The following ASXL1 variants were observed in gnomAD, a reference collection of about 807,000 sequenced individuals.
ASXL1 encodes the protein polycomb group protein ASXL1.
A neutral mutation model predicts 89.1 loss-of-function variants in ASXL1; 65 were observed. The ratio of observed to expected loss-of-function variants is 0.73; its 90% CI spans 0.60 to 0.90. The LOEUF (loss-of-function observed/expected upper bound fraction) is 0.90. Among genes scored for constraint, ASXL1 ranks in the 40% least tolerant of loss-of-function variants. ASXL1 has a pLI of 0.00. For missense variants in ASXL1, 1,786 were observed against 1,942.9 expected, an observed-to-expected ratio of 0.92 and a Z score of 1.52; for synonymous variants, 739 against 746.9, an observed-to-expected ratio of 0.99 and a Z score of 0.17.
At chr20:32,414,855 A>G (rs1057409697) in intron 4 of ASXL1, among the ~76,000 whole-genome samples, 1 of 152,120 alleles carries the variant, frequency 6.6e-6, no homozygotes, top group Non-Finnish European at 1.5e-5. Context: ...CCAGGAGGAG[A>G]AATCCTTTCA....
In ASXL1 at chr20:32,436,034, G is replaced by A. The variant is rs1182034797; in HGVS notation, c.3322G>A (p.Val1108Met). ...CTCAGTGGAGGCCACTAACCCACTT[G>A]TGATGCAGTTGCTGCAGGGTAGCTT... is the stretch of plus-strand genomic sequence containing the variant. ...GSSVEATNPL[V>M]MQLLQGSLPL... is the part of the protein sequence containing the mutation. The change falls in exon 13 of 13, where the codon GTG becomes ATG. Residue 1108 changes from valine (V) to methionine (M), a missense_variant. By Grantham distance (21) the Val-to-Met change is conservative. Around this residue, in one of 3 missense-constraint regions of ASXL1, gnomAD observed 1,418 missense variants for 1,427.8 expected, o/e 0.99. Coordinates refer to ENST00000375687, the MANE Select transcript of ASXL1 (RefSeq NM_015338.6). The A allele has an allele frequency of 1.2e-6, 2 of 1,614,204 alleles. No homozygotes were observed. Among genetic ancestry groups the A allele is most frequent in the Non-Finnish European group, 1.7e-6 (2 of 1,180,038 alleles).
At position 32,428,388 on chromosome 20, in the gene ASXL1, C is replaced by G; in HGVS notation, c.437C>G (p.Ser146Cys). Residue 146 changes from serine (S) to cysteine (C), a missense_variant, in exon 6 of 13, where the codon TCC becomes TGC. By Grantham distance (112) the Ser-to-Cys change is moderately radical (BLOSUM62 -1). Around this residue, in one of 3 missense-constraint regions of ASXL1, gnomAD observed 332 missense variants for 449.7 expected, o/e 0.74. Transcript: ENST00000375687. Reference protein sequence around the residue: ...CSTESQSRPLSNPRDSYRASS... With the variant: ...CSTESQSRPLCNPRDSYRASS... ...ACAGAATCTCAGAGTCGACCTCTTT[C>G]CAATCCCAGGGACAGCTACAGAGCT... The G allele has an allele frequency of 6.2e-7, 1 of 1,614,026 alleles. No individual in the cohort carries two copies. The highest frequency in any genetic ancestry group is 8.5e-7 in the Non-Finnish European group (1 of 1,179,970).
At chr20:32,359,412 G>A (rs989821907) in intron 1 of ASXL1, 22 of 702,234 alleles carry the variant, frequency 3.1e-5, no homozygotes, top group Non-Finnish European at 5.2e-5. Context: ...TCCTGTGGGC[G>A]ACACCTGGGA....
intron 1 of ASXL1, among the ~76,000 whole-genome samples, chr20:32,365,765 A>G (rs2048194033): frequency 6.6e-6 from 1 of 152,214 alleles, no homozygotes; most frequent in African/African-American, 2.4e-5. Flanking sequence ...GCAGAATCAT[A>G]GCATCATGTG....
chr20:32,359,602 A>G (rs1394327591), intron 1 of ASXL1: 1 of 690,398 alleles, frequency 1.4e-6, no homozygotes, highest in Admixed American at 2.1e-5. Context: ...TGGACTGGAA[A>G]TTGGTATTTT....
In ASXL1 at chr20:32,419,102, A is replaced by G. The variant is rs571614488; in HGVS notation, c.253-9026A>G. 1.4e-4 allele frequency among the ~76,000 whole-genome samples: 21 copies of G among 152,138 alleles called. 1 individual carries two copies. Among genetic ancestry groups the G allele is most frequent in the African/African-American group, 3.9e-4 (16 of 41,506 alleles). ...CGCCTTAGCCTCTCAAAGTGCTGGG[A>G]TTACAGGCTTGAGCCACCATGCCCA... On this transcript the variant is annotated intron_variant, in intron 4 of 12. Transcript: ENST00000375687.
At position 32,429,920 on chromosome 20, in the gene ASXL1, C is replaced by T. The variant is rs557596857; in HGVS notation, c.585C>T (p.Ala195=). The T allele has an allele frequency of 2.1e-5, 33 of 1,608,238 alleles. No homozygotes were observed. The highest frequency in any genetic ancestry group is 1.5e-4 in the South Asian group (14 of 90,940). The change falls in exon 8 of 13, where the codon GCC becomes GCT. Residue 195 remains alanine, a synonymous_variant. Transcript: ENST00000375687. The surrounding 1 kb of genome is among the most constrained non-coding windows in gnomAD (Gnocchi z 4.9). ...ESASGFSGCH[A]DGESGSPSSS... ...CTTCAGGGTTCTCGGGCTGCCACGC[C>T]GATGGCGAGAGCGGCAGCCCGTCCA...
rs1233046468 is a variant in ASXL1 at position 32,358,713 on chromosome 20, ACCGCCCCAGC to A, written c.-56_-47del. On this transcript the variant is annotated 5_prime_UTR_variant, in exon 1 of 13. Coordinates refer to ENST00000375687, the MANE Select transcript of ASXL1 (RefSeq NM_015338.6). ...GCCGCCGCCGCCCCAGCCCCGCGCC[ACCGCCCCAGC>A]CCGCCCAGCCCGGAGGTCCCGCGTG... The A allele has an allele frequency of 1.0e-6, 1 of 974,728 alleles. No homozygotes were observed. The highest frequency in any genetic ancestry group is 1.4e-6 in the Non-Finnish European group (1 of 720,860). The allele number at this position is 974,728 out of a possible 1,614,324, so 60.4% of individuals were successfully genotyped here. A position where few individuals can be genotyped will look rare whatever the true frequency, so the allele number is the denominator to read the frequency against.
chr20:32,394,291 C>T (rs1005112007), intron 4 of ASXL1, among the ~76,000 whole-genome samples: 5 of 152,068 alleles, frequency 3.3e-5, no homozygotes, highest in East Asian at 1.9e-4. Context: ...CGTGAGCCAC[C>T]GTGCCTGGCC....
At chr20:32,422,078 A>G (rs1413539949) in intron 4 of ASXL1, among the ~76,000 whole-genome samples, 1 of 143,678 alleles carries the variant, frequency 7.0e-6, no homozygotes, top group Non-Finnish European at 1.5e-5. Flanking sequence ...ACGGGGTTTC[A>G]CCGTGTTAGC....
At chr20:32,361,567 G>C (rs985267177) in intron 1 of ASXL1, among the ~76,000 whole-genome samples, 12 of 144,802 alleles carry the variant, frequency 8.3e-5, no homozygotes, top group Admixed American at 2.1e-4. Context: ...GAACTTGGGA[G>C]GTGGAGGTTG....
At chr20:32,367,058 C>A in intron 2 of ASXL1, among the ~76,000 whole-genome samples, 1 of 148,458 alleles carries the variant, frequency 6.7e-6, no homozygotes, top group Non-Finnish European at 1.5e-5. Context: ...TTTCTTTTTC[C>A]TCATCCTAAC....
intron 4 of ASXL1, among the ~76,000 whole-genome samples, chr20:32,394,498 G>T (rs1308832288): frequency 1.3e-5 from 2 of 152,078 alleles, no homozygotes; most frequent in African/African-American, 4.8e-5. Context: ...TTAGTACTTT[G>T]TTATTTTAGT....
intron 4 of ASXL1, among the ~76,000 whole-genome samples, chr20:32,386,446 CTTG>C (rs1239356229): frequency 2.7e-5 from 4 of 150,800 alleles, no homozygotes; most frequent in Non-Finnish European, 5.9e-5. Context: ...GAGACAGAGT[CTTG>C]TTCTGTTGCC....
At chr20:32,376,824 ATATAT>A (rs1001951871) in intron 4 of ASXL1, among the ~76,000 whole-genome samples, 6 of 145,146 alleles carry the variant, frequency 4.1e-5, no homozygotes, top group African/African-American at 1.0e-4. Flanking sequence ...TTTATATATT[ATATAT>A]TATATAAATA....
chr20:32,386,539 AC>A (rs2048581845), intron 4 of ASXL1, among the ~76,000 whole-genome samples: 4 of 151,826 alleles, frequency 2.6e-5, no homozygotes, highest in Non-Finnish European at 5.9e-5. Flanking sequence ...TGCCTTAGCC[AC>A]TGGAATAGCT....
At chr20:32,430,101 A>G (rs1173247550) in intron 8 of ASXL1, 48 bp downstream of exon 8, 1 of 1,574,994 alleles carries the variant, frequency 6.3e-7, no homozygotes, top group African/African-American at 1.4e-5. Context: ...GGGCCCCTGC[A>G]GGCCTAGTGA....
Position 32,423,395 on chromosome 20 carries a change from A to G in ASXL1, c.253-4733A>G, listed in dbSNP as rs552205834. On this transcript the variant is annotated intron_variant, in intron 4 of 12. Transcript: ENST00000375687. The stretch of plus-strand genomic sequence containing the variant: ...CAGGTGTGTGCCACCATGCCTAGCT[A>G]ATTTTTTGTGTGTGTGTGTATATTT... Among the ~76,000 whole-genome samples the G allele has an allele frequency of 6.8e-5, 6 of 88,386 alleles. No individual in the cohort carries two copies. In the South Asian group the frequency reaches 4.9e-3, roughly 72 times the overall value. The allele number at this position is 88,386 out of a possible 152,430, so 58.0% of individuals were successfully genotyped here.
chr20:32,376,839 A>G (rs531929762), intron 4 of ASXL1, among the ~76,000 whole-genome samples: 1 of 135,840 alleles, frequency 7.4e-6, no homozygotes, highest in Non-Finnish European at 1.6e-5. Flanking sequence ...TTATATAAAT[A>G]TCATGATAGA....
Sources: gnomAD v4.1 joint callset for allele counts (sites outside exome capture counted in the v4.1 genomes callset) on GRCh38, gnomAD v4.1.1 for gene constraint, gnomAD v4.1.1 regional missense constraint, Gnocchi (gnomAD v3.1) non-coding constraint, MANE v1.5 for transcripts, NCBI Gene and HGNC (gene_info 2026-07-23, HGNC 2026-07-21) for gene names.